Variants in SMC1B observed in about 807,000 individuals in gnomAD.
SMC1B encodes the protein structural maintenance of chromosomes protein 1B.
Under a neutral mutation model 157.9 loss-of-function variants are expected in SMC1B, and 60 were observed. That is an observed-to-expected ratio of 0.38 (90% confidence interval 0.31 to 0.47). SMC1B has a LOEUF of 0.47. Among genes scored for constraint, SMC1B ranks in the 20% least tolerant of loss-of-function variants. The pLI is 0.99. For missense variants in SMC1B, 1,165 were observed against 1,426.2 expected (o/e 0.82, Z 2.95); for synonymous variants, 445 against 483.0 (o/e 0.92, Z 1.03).
intron 15 of SMC1B, among the ~76,000 whole-genome samples, chr22:45,364,002 C>A (rs1219679427): frequency 2.6e-5 from 4 of 152,052 alleles, no homozygotes; most frequent in Admixed American, 2.6e-4. Flanking sequence ...GTGTGTGCTA[C>A]CATGCCCGGC....
intron 21 of SMC1B, 112 bp from the exon 22 acceptor site, chr22:45,352,714 A>T: frequency 9.7e-7 from 1 of 1,028,494 alleles, no homozygotes; most frequent in East Asian, 2.5e-5. Context: ...TTTTGATGGA[A>T]AACTACCAAT....
intron 15 of SMC1B, among the ~76,000 whole-genome samples, chr22:45,366,196 G>A (rs1003357189): frequency 1.3e-5 from 2 of 152,064 alleles, no homozygotes; most frequent in Non-Finnish European, 2.9e-5. Context: ...GCTAATTTTT[G>A]TATTTTTAGT....
chr22:45,373,666 A>AG (rs1297869867), intron 12 of SMC1B, among the ~76,000 whole-genome samples: 2 of 152,252 alleles, frequency 1.3e-5, no homozygotes, highest in African/African-American at 4.8e-5. Flanking sequence ...GCCTAGGCCC[A>AG]GGAATGAACA....
At chr22:45,408,982 G>A (rs1411254147) in intron 1 of SMC1B, 84 bp from the exon 2 acceptor site, 4 of 769,748 alleles carry the variant, frequency 5.2e-6, no homozygotes, top group East Asian at 2.8e-5. Flanking sequence ...GCCACCAATC[G>A]AAGTGAAATA....
At chr22:45,404,474 A>T (rs555774129) in intron 4 of SMC1B, among the ~76,000 whole-genome samples, 102 of 152,320 alleles carry the variant, frequency 6.7e-4, no homozygotes, top group Non-Finnish European at 1.3e-3. Flanking sequence ...GAGACAACCA[A>T]CTAAGAGTCC....
At chr22:45,390,392 C>T (rs945061072) in intron 9 of SMC1B, among the ~76,000 whole-genome samples, 1 of 152,060 alleles carries the variant, frequency 6.6e-6, no homozygotes, top group African/African-American at 2.4e-5. Context: ...TTAACAGGGA[C>T]CAGGTTGGTA....
chr22:45,345,719 G>A lies in SMC1B; in HGVS notation c.3496-150C>T. ...ATAATTCAATAAATCCTCAACAACT[G>A]CAGAAATGGAAATAGATTCTAAAAT... On this transcript the variant is annotated intron_variant, in intron 23 of 24. Coordinates refer to ENST00000357450, the MANE Select transcript of SMC1B (RefSeq NM_148674.5). The A allele has an allele frequency of 5.2e-6, 3 of 575,848 alleles. No individual in the cohort carries two copies. The South Asian group carries it at 6.7e-5, about 13-fold the overall frequency. 35.7% of individuals were successfully genotyped at this position (575,848 alleles called of 1,614,324 possible). A position where few individuals can be genotyped will look rare whatever the true frequency, so the allele number is the denominator to read the frequency against.
intron 4 of SMC1B, among the ~76,000 whole-genome samples, chr22:45,404,237 T>A (rs1354440700): frequency 1.4e-5 from 1 of 70,816 alleles, no homozygotes; most frequent in African/African-American, 5.8e-5. Flanking sequence ...GCGCCATGCC[T>A]GGCCAGAGGG....
intron 15 of SMC1B, among the ~76,000 whole-genome samples, chr22:45,363,416 T>C (rs1363528506): frequency 1.3e-5 from 2 of 152,258 alleles, no homozygotes; most frequent in Non-Finnish European, 2.9e-5. Flanking sequence ...GCGCAGTGGC[T>C]CATGCCTGTA....
intron 10 of SMC1B, among the ~76,000 whole-genome samples, chr22:45,388,231 T>C (rs2087012037): frequency 6.6e-6 from 1 of 152,138 alleles, no homozygotes; most frequent in Admixed American, 6.6e-5. Context: ...AAAACTCATA[T>C]ACAACTAAAA....
chr22:45,356,710 T>A (rs1283103738), intron 19 of SMC1B, among the ~76,000 whole-genome samples: 1 of 151,024 alleles, frequency 6.6e-6, no homozygotes, highest in Non-Finnish European at 1.5e-5. Flanking sequence ...CCTGGGGAAA[T>A]ACTTAATTTT....
At chr22:45,381,420 C>G (rs2086935577) in intron 12 of SMC1B, among the ~76,000 whole-genome samples, 1 of 152,114 alleles carries the variant, frequency 6.6e-6, no homozygotes, top group Non-Finnish European at 1.5e-5. Flanking sequence ...TATCCCTGGA[C>G]TCTTCCAAAC....
At chr22:45,350,267 TTTA>T (rs2086598808) in intron 22 of SMC1B, among the ~76,000 whole-genome samples, 1 of 108,528 alleles carries the variant, frequency 9.2e-6, no homozygotes, top group South Asian at 2.8e-4. Flanking sequence ...TTTTTTTTTT[TTTA>T]ATTTTTTTTA....
In SMC1B at chr22:45,354,038, C is replaced by A; in HGVS notation, c.3213G>T (p.Glu1071Asp). The change falls in exon 21 of 25, where the codon GAG (glutamate) becomes GAT (aspartate). Residue 1071 changes from glutamate (E) to aspartate (D), a missense_variant. By Grantham distance (45) the Glu-to-Asp change is conservative. Coordinates refer to ENST00000357450, the MANE Select transcript of SMC1B (RefSeq NM_148674.5). ...RRYDLFTQCF[E>D]HVSISIDQIY... ...TTTGATCAATTGAGATTGAGACATG[C>A]TCAAAACACTGGGTGAAAAGATCGT... is the stretch of plus-strand genomic sequence containing the variant. 1 of 1,603,490 alleles carries A rather than the reference C, an allele frequency of 6.2e-7. No individual in the cohort carries two copies. The highest frequency in any genetic ancestry group is 8.5e-7 in the Non-Finnish European group (1 of 1,176,210).
intron 1 of SMC1B, 113 bp downstream of exon 1, chr22:45,413,346 G>T: frequency 2.5e-6 from 2 of 784,716 alleles, no homozygotes; most frequent in Non-Finnish European, 4.0e-6. Context: ...GGGACTGGAA[G>T]GGGAAGGCCG....
Position 45,344,348 on chromosome 22 carries a change from C to A in SMC1B, c.*208G>T. ...TGTTTTTTAAAAACTCATTTGACAC[C>A]AGCTCTCACTGAAAACTTTCCCTAC... On this transcript the variant is annotated 3_prime_UTR_variant, in exon 25 of 25. Transcript: ENST00000357450. 2.6e-6 allele frequency: 1 copy of A among 379,034 alleles called. No individual in the cohort carries two copies. Among genetic ancestry groups the A allele is most frequent in the Non-Finnish European group, 4.7e-6 (1 of 211,668 alleles). 23.5% of individuals were successfully genotyped at this position (379,034 alleles called of 1,614,324 possible).
chr22:45,372,685 C>T (rs960991500), intron 12 of SMC1B, among the ~76,000 whole-genome samples: 1 of 151,190 alleles, frequency 6.6e-6, no homozygotes, highest in African/African-American at 2.4e-5. Flanking sequence ...AAATTAACTC[C>T]CTCAGACACT....
Position 45,362,894 on chromosome 22 carries a change from G to A in SMC1B, c.2553C>T (p.His851=), listed in dbSNP as rs771275937. ...ACCCATTATTAATTACCTTCTTTAG[G>A]TGATCAATATCTTCACTACCTTTCT... ...TIQKGSEDID[H]LKKAEENCLQ... The change falls in exon 16 of 25, where the codon CAC becomes CAT. Residue 851 remains histidine, a synonymous_variant. Transcript: ENST00000357450. 2 of 1,590,594 alleles carry A rather than the reference G, an allele frequency of 1.3e-6. No homozygotes were observed. Among genetic ancestry groups the A allele is most frequent in the Non-Finnish European group, 1.7e-6 (2 of 1,170,238 alleles).
chr22:45,408,706 A>G lies in SMC1B; in HGVS notation c.298+4T>C, dbSNP rs2087293001. 6.4e-7 allele frequency: 1 copy of G among 1,560,704 alleles called. No homozygotes were observed. The highest frequency in any genetic ancestry group is 1.2e-5 in the South Asian group (1 of 81,984). On this transcript the variant is annotated splice_donor_region_variant and intron_variant, in intron 2 of 24. Coordinates refer to ENST00000357450, the MANE Select transcript of SMC1B (RefSeq NM_148674.5). Reference sequence around the variant, plus strand: ...TAAAATGAAAAAAAATTATAAAAAAATACCTCGGATAATCCTTGCAAATGT... The same window carrying G: ...TAAAATGAAAAAAAATTATAAAAAAGTACCTCGGATAATCCTTGCAAATGT...
Sources: gnomAD v4.1 joint callset for allele counts (sites outside exome capture counted in the v4.1 genomes callset) on GRCh38, gnomAD v4.1.1 for gene constraint, MANE v1.5 for transcripts, NCBI Gene and HGNC (gene_info 2026-07-23, HGNC 2026-07-21) for gene names.